GRID2: variants seen among roughly 807,000 people sequenced by gnomAD.
GRID2 encodes the protein glutamate ionotropic receptor delta type subunit 2, also known as glutamate receptor ionotropic, delta-2.
GRID2 carries 33 observed loss-of-function variants against 114.8 expected under a neutral mutation model. That is an observed-to-expected ratio of 0.29 (90% CI 0.22 to 0.38). The LOEUF (loss-of-function observed/expected upper bound fraction) is 0.38, where lower values mean the gene tolerates loss of function less well. GRID2 is among the 10% of genes least tolerant of loss of function. The probability of loss-of-function intolerance (pLI) is 1.00; values close to 1 mark genes in which losing one functional copy is unlikely to be tolerated. For missense variants in GRID2, 1,184 were observed against 1,257.7 expected (o/e 0.94, Z 0.89); for synonymous variants, 505 against 449.9 (o/e 1.12, Z -1.55).
chr4:93,732,162 A>G (rs1201634467), intron 14 of GRID2, among the ~76,000 whole-genome samples: 2 of 152,184 alleles, frequency 1.3e-5, no homozygotes, highest in Non-Finnish European at 2.9e-5. Flanking sequence ...CATGCATATC[A>G]TAGATTTTCC....
At chr4:93,099,880 C>T (rs559134110) in intron 3 of GRID2, among the ~76,000 whole-genome samples, 7 of 151,562 alleles carry the variant, frequency 4.6e-5, no homozygotes, top group Non-Finnish European at 7.4e-5. Flanking sequence ...TAATCAAGAC[C>T]CTTGAAATGG....
At chr4:93,205,802 C>T (rs1177810789) in intron 4 of GRID2, among the ~76,000 whole-genome samples, 2 of 152,180 alleles carry the variant, frequency 1.3e-5, no homozygotes, top group African/African-American at 4.8e-5. Context: ...TATTTCTCCA[C>T]ATCCTCTCCA....
intron 4 of GRID2, among the ~76,000 whole-genome samples, chr4:93,141,096 G>A (rs1363937889): frequency 6.6e-6 from 1 of 151,810 alleles, no homozygotes; most frequent in East Asian, 1.9e-4. Flanking sequence ...TTAATATAAA[G>A]TTTTGTTTTA....
At position 92,499,221 on chromosome 4, in the gene GRID2, T is replaced by C. The variant is rs550157158; in HGVS notation, c.89-90910T>C. Among the ~76,000 whole-genome samples, 5 of 152,212 alleles carry C rather than the reference T, an allele frequency of 3.3e-5. No individual in the cohort carries two copies. In the East Asian group the frequency reaches 9.7e-4, roughly 29 times the overall value. ...TATTTATCATTTGTTCCTTTCCTTA[T>C]ATTAATAATCAAACATGTATCTCCT... is the stretch of plus-strand genomic sequence containing the variant. On this transcript the variant is annotated intron_variant, in intron 1 of 15. Transcript: ENST00000282020.
At chr4:93,716,334 A>T (rs1728898899) in intron 14 of GRID2, among the ~76,000 whole-genome samples, 1 of 152,214 alleles carries the variant, frequency 6.6e-6, no homozygotes, top group Non-Finnish European at 1.5e-5. Flanking sequence ...AAATTGAATT[A>T]TCATTGCAGA....
At chr4:93,111,627 C>A (rs1732768775) in intron 4 of GRID2, among the ~76,000 whole-genome samples, 1 of 151,918 alleles carries the variant, frequency 6.6e-6, no homozygotes, top group Admixed American at 6.6e-5. Flanking sequence ...ATTGTCATGT[C>A]TTTTTGCCCC....
At chr4:92,511,817 C>A (rs1269633484) in intron 1 of GRID2, among the ~76,000 whole-genome samples, 1 of 151,760 alleles carries the variant, frequency 6.6e-6, no homozygotes, top group Non-Finnish European at 1.5e-5. Flanking sequence ...ATAAAATACA[C>A]ATAATGTAAA....
chr4:93,346,674 G>A (rs1370878911), intron 8 of GRID2, among the ~76,000 whole-genome samples: 5 of 152,102 alleles, frequency 3.3e-5, no homozygotes, highest in African/African-American at 1.2e-4. Flanking sequence ...ATCTTTCCTG[G>A]CTCATTTGAA....
At chr4:93,576,707 T>A (rs1324556531) in intron 13 of GRID2, among the ~76,000 whole-genome samples, 1 of 152,186 alleles carries the variant, frequency 6.6e-6, no homozygotes, top group Non-Finnish European at 1.5e-5. Flanking sequence ...GGTTCTTCGA[T>A]ACGTGTGCAT....
At chr4:93,251,579 G>T (rs1748936063) in intron 8 of GRID2, among the ~76,000 whole-genome samples, 1 of 152,066 alleles carries the variant, frequency 6.6e-6, no homozygotes, top group African/African-American at 2.4e-5. Flanking sequence ...TGTCATGAGG[G>T]TTTGTTGTAC....
chr4:92,535,441 A>T (rs1248689965), intron 1 of GRID2, among the ~76,000 whole-genome samples: 1 of 152,146 alleles, frequency 6.6e-6, no homozygotes, highest in Non-Finnish European at 1.5e-5. Flanking sequence ...AATTTTGGAA[A>T]TTCCAGGGAC....
Position 93,769,338 on chromosome 4 carries a change from G to A in GRID2, c.2489G>A (p.Ser830Asn), listed in dbSNP as rs374041363. 1.9e-6 allele frequency: 3 copies of A among 1,613,944 alleles called. No individual in the cohort carries two copies. Among genetic ancestry groups the A allele is most frequent in the East Asian group, 4.5e-5 (2 of 44,882 alleles). Residue 830 changes from serine to asparagine, a missense_variant, in exon 15 of 16, where the codon AGC becomes AAC. Around this residue, in one of 3 missense-constraint regions of GRID2, gnomAD observed 717 missense variants for 796.9 expected, o/e 0.90. Transcript: ENST00000282020. ...AAAGGAGGCGCCCTGGACATAAAGA[G>A]CTTTGCAGGGGTCTTTTGTATCCTG... ...KQKGGALDIK[S>N]FAGVFCILAA...
At chr4:92,337,289 A>T (rs1185243553) in intron 1 of GRID2, among the ~76,000 whole-genome samples, 2 of 152,046 alleles carry the variant, frequency 1.3e-5, no homozygotes, top group Non-Finnish European at 2.9e-5. Flanking sequence ...CTGTTATTGG[A>T]CTTTTAAATT....
chr4:92,915,910 GTTAT>G (rs1292492406), intron 2 of GRID2, among the ~76,000 whole-genome samples: 2 of 152,008 alleles, frequency 1.3e-5, no homozygotes, highest in Non-Finnish European at 2.9e-5. Context: ...TTTTAATGGG[GTTAT>G]TTGTTTTTAT....
intron 14 of GRID2, among the ~76,000 whole-genome samples, chr4:93,763,646 T>G (rs1257928749): frequency 6.6e-6 from 1 of 152,156 alleles, no homozygotes; most frequent in Admixed American, 6.6e-5. Flanking sequence ...ATTCAACTAT[T>G]TATTATCTGT....
intron 2 of GRID2, among the ~76,000 whole-genome samples, chr4:92,844,341 C>A (rs958952074): frequency 2.0e-5 from 3 of 151,898 alleles, no homozygotes; most frequent in Non-Finnish European, 4.4e-5. Context: ...GAGTTTGAGA[C>A]CAGCCTGAAC....
intron 1 of GRID2, among the ~76,000 whole-genome samples, chr4:93,803,365 A>G (rs1462502698): frequency 6.6e-6 from 1 of 152,172 alleles, no homozygotes; most frequent in Non-Finnish European, 1.5e-5. Context: ...ATAAAGAAAA[A>G]TTAAGCACGA....
intron 2 of GRID2, among the ~76,000 whole-genome samples, chr4:92,700,903 A>C (rs1734642184): frequency 6.6e-6 from 1 of 151,492 alleles, no homozygotes; most frequent in Admixed American, 6.6e-5. Context: ...GAGAGGCAGG[A>C]GAATGGCGTG....
At chr4:92,629,865 T>C (rs1467976193) in intron 2 of GRID2, among the ~76,000 whole-genome samples, 1 of 147,732 alleles carries the variant, frequency 6.8e-6, no homozygotes, top group Non-Finnish European at 1.5e-5. Flanking sequence ...AAAGTAATTA[T>C]ATAATAAAAT....
Sources: allele counts gnomAD v4.1 joint callset (sites outside exome capture counted in the v4.1 genomes callset), GRCh38; gene constraint gnomAD v4.1.1; regional missense constraint gnomAD v4.1.1; transcripts MANE v1.5; gene names NCBI Gene and HGNC (gene_info 2026-07-23, HGNC 2026-07-21).